The following DYNLT5 variants were observed in gnomAD, a reference collection of about 807,000 sequenced individuals.
The protein encoded by DYNLT5 is dynein light chain Tctex-type 5.
In DYNLT5, 25 loss-of-function variants were observed where a neutral mutation model predicts 19.3. The observed-to-expected ratio is 1.30, with a 90% CI of 0.95 to 1.81. The LOEUF (loss-of-function observed/expected upper bound fraction) is 1.81. DYNLT5 is among the 40% of genes most tolerant of loss of function. The pLI is 0.00. For missense variants in DYNLT5, 232 were observed against 217.9 expected, an observed-to-expected ratio of 1.06 and a Z score of -0.41; for synonymous variants, 82 against 68.9, an observed-to-expected ratio of 1.19 and a Z score of -0.94.
intron 3 of DYNLT5, among the ~76,000 whole-genome samples, chr1:66,771,834 A>G (rs973566073): frequency 1.3e-5 from 2 of 152,246 alleles, no homozygotes; most frequent in Admixed American, 6.5e-5. Context: ...GTGTTTCTAC[A>G]TAAGGATATT....
chr1:66,759,744 G>A (rs1322950798), intron 2 of DYNLT5, among the ~76,000 whole-genome samples: 1 of 152,226 alleles, frequency 6.6e-6, no homozygotes. Flanking sequence ...GGCAAGGCAT[G>A]TGAGAGTAAA....
chr1:66,774,238 C>A (rs938877073), intron 3 of DYNLT5, among the ~76,000 whole-genome samples: 1 of 152,052 alleles, frequency 6.6e-6, no homozygotes, highest in African/African-American at 2.4e-5. Flanking sequence ...CACATGGTAA[C>A]TTTTGCCACC....
rs150678209 is a variant in DYNLT5, at chr1:66,768,624, T to G, written c.120-1763T>G. On this transcript the variant is annotated intron_variant, in intron 2 of 4. Coordinates refer to ENST00000282670, the MANE Select transcript of DYNLT5 (RefSeq NM_152665.3). ...TAGTGAAGACAGTTTATAAAAATCC[T>G]TATTTGCTTTTTTGTCTTGGAATTT... 141 of 152,352 alleles carry G rather than the reference T, an allele frequency of 9.3e-4. 1 individual carries two copies. Among genetic ancestry groups the G allele is most frequent in the African/African-American group, 3.3e-3 (137 of 41,586 alleles). 9.4% of individuals were successfully genotyped at this position (152,352 alleles called of 1,614,324 possible).
intron 2 of DYNLT5, chr1:66,768,892 C>T (rs1457021785): frequency 6.6e-6 from 1 of 152,150 alleles, no homozygotes; most frequent in Non-Finnish European, 1.5e-5. Context: ...TATACATGTA[C>T]ATTAAGCCCT....
intron 2 of DYNLT5, among the ~76,000 whole-genome samples, chr1:66,762,042 C>G (rs2094646853): frequency 6.6e-6 from 1 of 151,864 alleles, no homozygotes; most frequent in Admixed American, 6.6e-5. Flanking sequence ...TAGATTCCAT[C>G]TCAAGAAACC....
At chr1:66,776,560 G>T (rs12748506) in intron 4 of DYNLT5, among the ~76,000 whole-genome samples, 157 bp downstream of exon 4, 11 of 126,584 alleles carry the variant, frequency 8.7e-5, no homozygotes, top group Non-Finnish European at 1.4e-4. Context: ...TGTGTGTGTG[G>T]GTGTGTGTGT....
At chr1:66,757,775 C>T (rs2094638887) in intron 2 of DYNLT5, among the ~76,000 whole-genome samples, 1 of 151,946 alleles carries the variant, frequency 6.6e-6, no homozygotes, top group Non-Finnish European at 1.5e-5. Context: ...ACGATTTTTA[C>T]ATAGGTGAAA....
chr1:66,758,916 G>A (rs2094641003), intron 2 of DYNLT5, among the ~76,000 whole-genome samples: 1 of 152,144 alleles, frequency 6.6e-6, no homozygotes, highest in Admixed American at 6.5e-5. Context: ...GAAGGAGAAG[G>A]CTAGAGATTA....
At chr1:66,773,219 G>A (rs377430138) in intron 3 of DYNLT5, among the ~76,000 whole-genome samples, 2 of 152,018 alleles carry the variant, frequency 1.3e-5, no homozygotes, top group African/African-American at 2.4e-5. Flanking sequence ...TGCGAGCACC[G>A]AGCCAAACTA....
chr1:66,755,789 A>G (rs929210854), intron 2 of DYNLT5: 6 of 152,196 alleles, frequency 3.9e-5, no homozygotes, highest in Non-Finnish European at 5.9e-5. Context: ...AGAATGATTA[A>G]TCTTTGTAAT....
intron 2 of DYNLT5, among the ~76,000 whole-genome samples, chr1:66,758,517 T>C (rs2094640456): frequency 1.3e-5 from 2 of 152,186 alleles, no homozygotes; most frequent in African/African-American, 4.8e-5. Flanking sequence ...ACCAGAACTT[T>C]CTGTATGGAT....
At chr1:66,761,924 T>C (rs1246483994) in intron 2 of DYNLT5, among the ~76,000 whole-genome samples, 1 of 152,224 alleles carries the variant, frequency 6.6e-6, no homozygotes, top group East Asian at 1.9e-4. Flanking sequence ...TCTTTCAAAA[T>C]TAGTCCATTC....
At chr1:66,756,488 A>AGT (rs1371311002) in intron 2 of DYNLT5, among the ~76,000 whole-genome samples, 1 of 152,248 alleles carries the variant, frequency 6.6e-6, no homozygotes, top group Non-Finnish European at 1.5e-5. Flanking sequence ...TTGAAATTGC[A>AGT]GTGTTTTATG....
Position 66,752,518 on chromosome 1 carries a change from C to G in DYNLT5, c.-70C>G. 1 of 985,580 alleles carries G rather than the reference C, an allele frequency of 1.0e-6. No individual in the cohort carries two copies. Among genetic ancestry groups the G allele is most frequent in the Non-Finnish European group, 1.2e-6 (1 of 830,044 alleles). The allele number at this position is 985,580 out of a possible 1,614,324, so 61.1% of individuals were successfully genotyped here. A position where few individuals can be genotyped will look rare whatever the true frequency, so the allele number is the denominator to read the frequency against. On this transcript the variant is annotated 5_prime_UTR_variant, in exon 1 of 5. Transcript: ENST00000282670. ...TGAATGAAGCCTGGGACGCGGGAGCCGCGCCGCGCGCAGTGTCTGCAGTGC... is the reference window on the plus strand; with the variant it reads ...TGAATGAAGCCTGGGACGCGGGAGCGGCGCCGCGCGCAGTGTCTGCAGTGC...
At chr1:66,758,937 G>A (rs570380125) in intron 2 of DYNLT5, among the ~76,000 whole-genome samples, 2 of 152,258 alleles carry the variant, frequency 1.3e-5, no homozygotes, top group Admixed American at 1.3e-4. Flanking sequence ...GAAGATCAGA[G>A]TTAGGAGATA....
At chr1:66,761,437 A>G (rs1421708169) in intron 2 of DYNLT5, among the ~76,000 whole-genome samples, 1 of 152,244 alleles carries the variant, frequency 6.6e-6, no homozygotes, top group Non-Finnish European at 1.5e-5. Context: ...ACATCTGCTG[A>G]CTAATCAGGG....
chr1:66,754,260 A>G (rs1315225950), intron 1 of DYNLT5, among the ~76,000 whole-genome samples: 1 of 152,190 alleles, frequency 6.6e-6, no homozygotes, highest in Non-Finnish European at 1.5e-5. Flanking sequence ...TATAACAGTG[A>G]CAGCAAATAT....
At chr1:66,758,072 G>T (rs1224989356) in intron 2 of DYNLT5, among the ~76,000 whole-genome samples, 1 of 152,122 alleles carries the variant, frequency 6.6e-6, no homozygotes, top group Non-Finnish European at 1.5e-5. Context: ...AGAAGCAGAA[G>T]CTTAGAGAGA....
intron 2 of DYNLT5, among the ~76,000 whole-genome samples, chr1:66,762,072 A>T (rs1398926709): frequency 6.6e-6 from 1 of 151,958 alleles, no homozygotes; most frequent in Non-Finnish European, 1.5e-5. Flanking sequence ...GCTCATTTGT[A>T]AGAAGCAACT....
Sources: gnomAD v4.1 joint callset for allele counts (sites outside exome capture counted in the v4.1 genomes callset) on GRCh38, gnomAD v4.1.1 for gene constraint, MANE v1.5 for transcripts, NCBI Gene and HGNC (gene_info 2026-07-23, HGNC 2026-07-21) for gene names.